The following PAH variants were observed in gnomAD, a reference collection of about 807,000 sequenced individuals.
PAH encodes the protein phenylalanine-4-hydroxylase.
In PAH, 64 loss-of-function variants were observed where a neutral mutation model predicts 62.0. That is an observed-to-expected ratio of 1.03 (90% CI 0.84 to 1.27). PAH has a LOEUF of 1.27. Ranked by LOEUF, PAH falls within the 50% of genes most tolerant of loss-of-function variation. PAH has a pLI of 0.00. For missense variants in PAH, 579 were observed against 542.8 expected, an observed-to-expected ratio of 1.07 and a Z score of -0.66; for synonymous variants, 195 against 196.2, an observed-to-expected ratio of 0.99 and a Z score of 0.05.
chr12:102,857,620 G>A (rs1438045502), intron 5 of PAH, among the ~76,000 whole-genome samples: 3 of 152,204 alleles, frequency 2.0e-5, no homozygotes, highest in African/African-American at 7.2e-5. Context: ...ACTAACAGCT[G>A]ATCTCTCGGC....
At chr12:102,878,747 G>A (rs1019704192) in intron 3 of PAH, among the ~76,000 whole-genome samples, 1 of 152,030 alleles carries the variant, frequency 6.6e-6, no homozygotes, top group Non-Finnish European at 1.5e-5. Context: ...GATTCACCCT[G>A]GTTGTGTTAA....
intron 12 of PAH, 80 bp downstream of exon 12, chr12:102,840,320 T>C: frequency 1.1e-6 from 1 of 883,692 alleles, no homozygotes; most frequent in Admixed American, 1.8e-5. Context: ...AATTTATTAT[T>C]TTTCCTATGG....
At chr12:102,943,608 G>A (rs1050982766) in intron 1 of PAH, among the ~76,000 whole-genome samples, 4 of 151,964 alleles carry the variant, frequency 2.6e-5, no homozygotes, top group Non-Finnish European at 4.4e-5. Flanking sequence ...AGATACCCAC[G>A]TGGACAAGTT....
At chr12:102,952,551 T>A (rs1879797662), upstream of PAH, among the ~76,000 whole-genome samples, 1 of 152,180 alleles carries the variant, frequency 6.6e-6, no homozygotes, top group Admixed American at 6.5e-5. Context: ...GATTAACGAC[T>A]TTCTTTATGC....
chr12:102,915,294 T>C (rs1185302450), intron 1 of PAH: 1 of 152,214 alleles, frequency 6.6e-6, no homozygotes, highest in African/African-American at 2.4e-5. Context: ...TCATAATAAT[T>C]GACTCACAGA....
intron 2 of PAH, among the ~76,000 whole-genome samples, chr12:102,899,625 C>T (rs1339689379): frequency 6.6e-6 from 1 of 151,250 alleles, no homozygotes. Flanking sequence ...TTTGGGAGGC[C>T]GAGGCGGGCG....
chr12:102,878,683 A>C (rs1315643422), intron 3 of PAH, among the ~76,000 whole-genome samples: 1 of 148,668 alleles, frequency 6.7e-6, no homozygotes, highest in African/African-American at 2.6e-5. Context: ...GGGAGAAAAC[A>C]AGATAAGGAA....
Position 102,865,666 on chromosome 12 carries a change from C to G in PAH, c.509+930G>C, listed in dbSNP as rs373965348. On this transcript the variant is annotated intron_variant, in intron 5 of 12. Coordinates refer to ENST00000553106, the MANE Select transcript of PAH (RefSeq NM_000277.3). ...GAATCCTGCTCAGCAGGATCCAAGG[C>G]CCAGATGGGCTTAGATCTGACTAAA... is the stretch of plus-strand genomic sequence containing the variant. 3.0e-3 allele frequency among the ~76,000 whole-genome samples: 453 copies of G among 152,244 alleles called. 4 individuals are homozygous for G. Among genetic ancestry groups the G allele is most frequent in the African/African-American group, 0.01 (431 of 41,542 alleles).
chr12:102,854,258 C>T (rs1369641983), intron 6 of PAH, among the ~76,000 whole-genome samples: 1 of 152,198 alleles, frequency 6.6e-6, no homozygotes, highest in Non-Finnish European at 1.5e-5. Flanking sequence ...ATTTCCCTGG[C>T]TCATTGCCCC....
intron 2 of PAH, among the ~76,000 whole-genome samples, chr12:102,901,165 G>A (rs1877736594): frequency 6.6e-6 from 1 of 152,084 alleles, no homozygotes; most frequent in Non-Finnish European, 1.5e-5. Context: ...AAGTTGGCTT[G>A]TCTTTCTGGA....
intron 1 of PAH, among the ~76,000 whole-genome samples, chr12:102,928,933 G>A (rs570639654): frequency 5.3e-5 from 8 of 152,250 alleles, no homozygotes; most frequent in Admixed American, 3.3e-4. Context: ...TTTAGCAAAT[G>A]GAGATTTATA....
upstream of PAH, among the ~76,000 whole-genome samples, chr12:102,920,409 C>T (rs1878522402): frequency 1.3e-5 from 2 of 152,296 alleles, no homozygotes; most frequent in South Asian, 4.2e-4. Flanking sequence ...AGGTGGGGAA[C>T]ATGTCACAAG....
rs192246083 is a variant in PAH, at chr12:102,876,395, G to A, written c.441+1067C>T. The stretch of plus-strand genomic sequence containing the variant: ...CTCTCAGGACTCACAGTTTAGCACC[G>A]GGCCTTAGAAAAGTCATCAGGCTCC... On this transcript the variant is annotated intron_variant, in intron 4 of 12. Transcript: ENST00000553106. Among the ~76,000 whole-genome samples, 415 of 152,234 alleles carry A rather than the reference G, an allele frequency of 2.7e-3. 2 individuals are homozygous for A. The South Asian group carries it at 0.036, about 13-fold the overall frequency.
intron 4 of PAH, among the ~76,000 whole-genome samples, chr12:102,868,763 T>C (rs1346518073): frequency 6.6e-6 from 1 of 152,194 alleles, no homozygotes; most frequent in African/African-American, 2.4e-5. Flanking sequence ...AGAACATTTA[T>C]TTGTCCATAT....
At chr12:102,906,884 C>T (rs1043658054) in intron 2 of PAH, among the ~76,000 whole-genome samples, 3 of 152,218 alleles carry the variant, frequency 2.0e-5, no homozygotes, top group Non-Finnish European at 4.4e-5. Flanking sequence ...GACCAATGTG[C>T]ATAGCATGAC....
At position 102,851,743 on chromosome 12, in the gene PAH, C is replaced by A. The variant is rs62508739; in HGVS notation, c.856G>T (p.Glu286Ter). Residue 286 changes from glutamate to a stop codon, truncating the protein, a stop_gained, in exon 8 of 13, where the codon GAG becomes TAG. Transcript: ENST00000553106. LOFTEE classifies it high-confidence loss of function. ...MYTPEPDICH[E>*]LLGHVPLFSD... Reference sequence around the variant, plus strand: ...AACAAGGGCACATGTCCCAACAGCTCATGGCAGATGTCACTGAAAGACAGA... The same window carrying A: ...AACAAGGGCACATGTCCCAACAGCTAATGGCAGATGTCACTGAAAGACAGA... 1 of 1,614,032 alleles carries A rather than the reference C, an allele frequency of 6.2e-7. No individual in the cohort carries two copies. Among genetic ancestry groups the A allele is most frequent in the Non-Finnish European group, 8.5e-7 (1 of 1,179,934 alleles).
At chr12:102,845,167 T>C (rs1490116705) in intron 9 of PAH, among the ~76,000 whole-genome samples, 1 of 152,200 alleles carries the variant, frequency 6.6e-6, no homozygotes, top group Admixed American at 6.5e-5. Context: ...TGTGATCACG[T>C]CTCTGTGTCC....
At chr12:102,866,464 T>A in intron 5 of PAH, 132 bp downstream of exon 5, 2 of 763,114 alleles carry the variant, frequency 2.6e-6, no homozygotes, top group Non-Finnish European at 4.8e-6. Context: ...CGCATGCACA[T>A]GAACACATGC....
intron 1 of PAH, among the ~76,000 whole-genome samples, chr12:102,944,479 A>C (rs951429804): frequency 1.3e-5 from 2 of 152,210 alleles, no homozygotes; most frequent in Non-Finnish European, 2.9e-5. Context: ...GTGTATTTTC[A>C]AATAGCCTGT....
Sources: allele counts gnomAD v4.1 joint callset (sites outside exome capture counted in the v4.1 genomes callset), GRCh38; gene constraint gnomAD v4.1.1; transcripts MANE v1.5; gene names NCBI Gene and HGNC (gene_info 2026-07-23, HGNC 2026-07-21).